Variants in PCDH15 observed in about 807,000 individuals in gnomAD.
PCDH15 encodes the protein protocadherin related 15, also known as protocadherin-15.
A neutral mutation model predicts 178.5 loss-of-function variants in PCDH15; 129 were observed. The observed-to-expected ratio is 0.72, with a 90% CI of 0.63 to 0.84. The LOEUF is 0.84. PCDH15 is among the 40% of genes least tolerant of loss of function. The probability of loss-of-function intolerance (pLI) is 0.00; values close to 1 mark genes in which losing one functional copy is unlikely to be tolerated. For missense variants in PCDH15, 2,230 were observed against 2,099.9 expected (o/e 1.06, Z -1.21); for synonymous variants, 800 against 732.0 (o/e 1.09, Z -1.50).
chr10:53,821,922 C>A (rs1264005664), intron 32 of PCDH15: 1 of 1,613,646 alleles, frequency 6.2e-7, no homozygotes, highest in Non-Finnish European at 8.5e-7. Context: ...GTTCAAACTC[C>A]CCTTGTTTTG....
intron 8 of PCDH15, among the ~76,000 whole-genome samples, chr10:54,310,252 C>CA (rs1564930679): frequency 1.3e-5 from 2 of 151,742 alleles, no homozygotes; most frequent in African/African-American, 2.4e-5. Flanking sequence ...TTTTAAACAC[C>CA]AAAAAATCAG....
At chr10:55,341,296 T>C (rs1443695277) in intron 2 of PCDH15, among the ~76,000 whole-genome samples, 2 of 151,968 alleles carry the variant, frequency 1.3e-5, no homozygotes, top group African/African-American at 4.8e-5. Context: ...ACATAAGCAA[T>C]AGAAATAATA....
intron 1 of PCDH15, among the ~76,000 whole-genome samples, chr10:54,763,074 G>A (rs1203016540): frequency 6.6e-6 from 1 of 152,106 alleles, no homozygotes; most frequent in African/African-American, 2.4e-5. Flanking sequence ...ATCTGTGAGA[G>A]GACACTATTT....
rs190526365 is a variant in PCDH15, at chr10:54,558,081, A to T, written c.92-30204T>A. On this transcript the variant is annotated intron_variant, in intron 2 of 37. Coordinates refer to ENST00000644397, the MANE Select transcript of PCDH15 (RefSeq NM_001384140.1). ...CCTAATGTATATGATAGTTGAAATG[A>T]TCCCACCAGAAATCTGATATGCAAT... 3.2e-3 allele frequency among the ~76,000 whole-genome samples: 486 copies of T among 152,246 alleles called. 2 individuals are homozygous for T. The highest frequency in any genetic ancestry group is 4.4e-3 in the Non-Finnish European group (301 of 67,978).
At chr10:54,196,740 A>C (rs2049708192) in intron 10 of PCDH15, among the ~76,000 whole-genome samples, 1 of 152,102 alleles carries the variant, frequency 6.6e-6, no homozygotes, top group Admixed American at 6.6e-5. Context: ...GAAGGTGATA[A>C]GGTGGTGAGG....
rs956461478 is a variant in PCDH15, at chr10:55,563,274, C to A, written c.-156+64351G>T. On this transcript the variant is annotated intron_variant, in intron 2 of 5. Transcript: ENST00000613346. ...CCAGGAGATTTAAAAGGCTGTTTGTCCCCCTACATTTTTCCTTTACCCCTT... is the reference window on the plus strand; with the variant it reads ...CCAGGAGATTTAAAAGGCTGTTTGTACCCCTACATTTTTCCTTTACCCCTT... Among the ~76,000 whole-genome samples, 15 of 151,814 alleles carry A rather than the reference C, an allele frequency of 9.9e-5. 1 individual carries two copies.
chr10:54,321,944 A>G (rs1219550842), intron 7 of PCDH15, among the ~76,000 whole-genome samples: 1 of 152,026 alleles, frequency 6.6e-6, no homozygotes, highest in East Asian at 1.9e-4. Context: ...GAAAATATAT[A>G]AAAATATGTC....
intron 2 of PCDH15, among the ~76,000 whole-genome samples, chr10:55,354,829 T>C (rs1235327669): frequency 2.0e-5 from 3 of 152,072 alleles, no homozygotes; most frequent in Non-Finnish European, 4.4e-5. Context: ...TTGTGAATTG[T>C]GAATCTACCA....
At chr10:54,971,123 T>C (rs1838919421) in intron 2 of PCDH15, among the ~76,000 whole-genome samples, 1 of 152,122 alleles carries the variant, frequency 6.6e-6, no homozygotes, top group African/African-American at 2.4e-5. Flanking sequence ...TTTTGTACAT[T>C]AGAAGGATGT....
intron 21 of PCDH15, among the ~76,000 whole-genome samples, chr10:53,988,198 G>T (rs982358095): frequency 6.6e-6 from 1 of 152,070 alleles, no homozygotes; most frequent in Non-Finnish European, 1.5e-5. Flanking sequence ...CTGTGTGAAG[G>T]CAACCTTAGC....
chr10:54,326,881 A>G (rs1248062883), intron 7 of PCDH15, among the ~76,000 whole-genome samples: 1 of 152,196 alleles, frequency 6.6e-6, no homozygotes, highest in Admixed American at 6.6e-5. Context: ...ATAACTTTCT[A>G]TATTTAACAT....
chr10:55,519,742 T>TC (rs1841113399), intron 2 of PCDH15, among the ~76,000 whole-genome samples: 1 of 151,622 alleles, frequency 6.6e-6, no homozygotes, highest in Non-Finnish European at 1.5e-5. Flanking sequence ...GTATCTTTTT[T>TC]TTTACAATTT....
intron 2 of PCDH15, among the ~76,000 whole-genome samples, chr10:55,570,339 T>C (rs1348372095): frequency 6.6e-6 from 1 of 152,028 alleles, no homozygotes; most frequent in Non-Finnish European, 1.5e-5. Context: ...TGTTCACATT[T>C]TAGAGCTAGT....
intron 25 of PCDH15, among the ~76,000 whole-genome samples, chr10:53,937,673 A>G (rs2085695724): frequency 6.6e-6 from 1 of 152,158 alleles, no homozygotes; most frequent in South Asian, 2.1e-4. Flanking sequence ...GAATCAGTAA[A>G]TGAGGTTCAC....
At chr10:54,563,412 T>C (rs1422043762) in intron 2 of PCDH15, among the ~76,000 whole-genome samples, 1 of 149,822 alleles carries the variant, frequency 6.7e-6, no homozygotes, top group Non-Finnish European at 1.5e-5. Context: ...TATCTGGACT[T>C]GCCGGGTATC....
intron 1 of PCDH15, among the ~76,000 whole-genome samples, chr10:55,217,186 C>A (rs1338594794): frequency 6.6e-6 from 1 of 151,752 alleles, no homozygotes; most frequent in African/African-American, 2.4e-5. Context: ...GCTGTTAAAG[C>A]AATGTTTTTG....
At chr10:55,489,457 A>G (rs1840367948) in intron 2 of PCDH15, among the ~76,000 whole-genome samples, 1 of 151,614 alleles carries the variant, frequency 6.6e-6, no homozygotes, top group African/African-American at 2.4e-5. Context: ...CTTCACTTTA[A>G]AATATGTGTT....
intron 2 of PCDH15, among the ~76,000 whole-genome samples, chr10:55,518,766 C>G (rs555398812): frequency 2.6e-5 from 4 of 151,710 alleles, no homozygotes; most frequent in Admixed American, 1.3e-4. Context: ...GCAGTCCAAG[C>G]CTCTGATAAA....
intron 3 of PCDH15, among the ~76,000 whole-genome samples, chr10:54,453,552 T>C (rs892036607): frequency 1.3e-5 from 2 of 151,632 alleles, no homozygotes; most frequent in African/African-American, 2.4e-5. Context: ...ATACCTAATG[T>C]TAAATGACGA....
Sources: allele counts gnomAD v4.1 joint callset (sites outside exome capture counted in the v4.1 genomes callset), GRCh38; gene constraint gnomAD v4.1.1; transcripts MANE v1.5; gene names NCBI Gene and HGNC (gene_info 2026-07-23, HGNC 2026-07-21).